ZNF277: variants seen among roughly 807,000 people sequenced by gnomAD.
ZNF277 encodes zinc finger protein 277.
In ZNF277, 55 loss-of-function variants were observed where a neutral mutation model predicts 60.7. That is an observed-to-expected ratio of 0.91 (90% CI 0.73 to 1.13). The LOEUF is 1.13. Among genes scored for constraint, ZNF277 ranks in the 50% most tolerant of loss-of-function variants. The pLI, the probability that ZNF277 is intolerant of heterozygous loss-of-function variation, is 0.00. For missense variants in ZNF277, 510 were observed against 523.0 expected, an observed-to-expected ratio of 0.98 and a Z score of 0.24; for synonymous variants, 178 against 179.3, an observed-to-expected ratio of 0.99 and a Z score of 0.06.
chr7:112,267,679 CT>C (rs559529650), intron 1 of ZNF277, among the ~76,000 whole-genome samples: 72 of 152,070 alleles, frequency 4.7e-4, no homozygotes, highest in African/African-American at 1.7e-3. Context: ...TTATCTATTC[CT>C]TTTTCACTGT....
At chr7:112,231,212 CAAAA>C (rs11340888) in intron 1 of ZNF277, among the ~76,000 whole-genome samples, 1 of 132,328 alleles carries the variant, frequency 7.6e-6, no homozygotes. Flanking sequence ...GACTCCGTCT[CAAAA>C]AAAAAAAAAA....
At chr7:112,285,223 G>A (rs557969525) in intron 1 of ZNF277, among the ~76,000 whole-genome samples, 7 of 151,560 alleles carry the variant, frequency 4.6e-5, no homozygotes, top group South Asian at 2.1e-4. Flanking sequence ...GTAGAGACAC[G>A]GTTTCACCAT....
chr7:112,293,036 C>T (rs930282282), intron 2 of ZNF277, among the ~76,000 whole-genome samples: 13 of 152,094 alleles, frequency 8.5e-5, no homozygotes, highest in Admixed American at 7.9e-4. Flanking sequence ...ATGCATTATT[C>T]TATTTAATTA....
intron 4 of ZNF277, among the ~76,000 whole-genome samples, chr7:112,297,148 C>T (rs79072770): frequency 6.6e-6 from 1 of 151,336 alleles, no homozygotes; most frequent in Non-Finnish European, 1.5e-5. Context: ...AGGATGGTCT[C>T]GATCTCCTGA....
intron 1 of ZNF277, among the ~76,000 whole-genome samples, chr7:112,263,368 C>A (rs981283761): frequency 7.2e-5 from 11 of 152,050 alleles, no homozygotes; most frequent in African/African-American, 2.7e-4. Context: ...TCTCACTGAC[C>A]CATTGGGATG....
chr7:112,208,674 A>ATTTTTTTTTTTT lies in ZNF277; in HGVS notation c.91+1880_91+1891dup, dbSNP rs869082099. On this transcript the variant is annotated intron_variant, in intron 1 of 11. Coordinates refer to ENST00000361822, the MANE Select transcript of ZNF277 (RefSeq NM_021994.3). Reference sequence around the variant, plus strand: ...ATATGACACACGTCTGTATGATTTGATTTTTTTTTTTTTTTTTTTTTTTTG... The same window carrying ATTTTTTTTTTTT: ...ATATGACACACGTCTGTATGATTTGATTTTTTTTTTTTTTTTTTTTTTTTTTTTTTTTTTTTG... 1.8e-3 allele frequency among the ~76,000 whole-genome samples: 134 copies of ATTTTTTTTTTTT among 72,810 alleles called. 18 individuals are homozygous for ATTTTTTTTTTTT. The highest frequency in any genetic ancestry group is 0.022 in the Middle Eastern group (1 of 46). The allele number at this position is 72,810 out of a possible 152,430, so 47.8% of individuals were successfully genotyped here.
chr7:112,265,572 G>T (rs185194702), intron 1 of ZNF277, among the ~76,000 whole-genome samples: 1 of 152,154 alleles, frequency 6.6e-6, no homozygotes, highest in Non-Finnish European at 1.5e-5. Flanking sequence ...AAGTGAGCAC[G>T]TGCTGTTGGG....
chr7:112,222,259 G>A (rs1019648524), intron 1 of ZNF277, among the ~76,000 whole-genome samples: 1 of 152,172 alleles, frequency 6.6e-6, no homozygotes, highest in African/African-American at 2.4e-5. Flanking sequence ...GAGAAGCATT[G>A]GTGTTAGTTC....
chr7:112,275,881 T>G (rs545978412), intron 1 of ZNF277, among the ~76,000 whole-genome samples: 31 of 152,310 alleles, frequency 2.0e-4, no homozygotes, highest in Non-Finnish European at 4.1e-4. Context: ...GAAAGGAAGT[T>G]TAACCACATT....
At position 112,340,903 on chromosome 7, in the gene ZNF277, C is replaced by A; in HGVS notation, c.1041C>A (p.Val347=). The change falls in exon 11 of 12, where the codon GTC becomes GTA. Residue 347 remains valine (V), a synonymous_variant. Coordinates refer to ENST00000361822, the MANE Select transcript of ZNF277 (RefSeq NM_021994.3). ...ATTTCTATCAGCAAGTGAAACTGGT[C>A]AATTTTATTCGGAGGCAAGTTCACC... is the stretch of plus-strand genomic sequence containing the variant. ...GLNFYQQVKL[V]NFIRRQVHQC... 6.2e-7 allele frequency: 1 copy of A among 1,610,216 alleles called. No individual in the cohort carries two copies. Among genetic ancestry groups the A allele is most frequent in the East Asian group, 2.2e-5 (1 of 44,748 alleles).
intron 1 of ZNF277, among the ~76,000 whole-genome samples, chr7:112,232,109 A>T (rs1822355485): frequency 6.8e-6 from 1 of 147,370 alleles, no homozygotes; most frequent in Non-Finnish European, 1.5e-5. Flanking sequence ...GTTATCTCAA[A>T]GCCCTTCTCT....
At chr7:112,252,395 G>A (rs994085022) in intron 1 of ZNF277, among the ~76,000 whole-genome samples, 1 of 152,144 alleles carries the variant, frequency 6.6e-6, no homozygotes, top group African/African-American at 2.4e-5. Context: ...GAATGGAGCA[G>A]GATAGCACAA....
intron 2 of ZNF277, chr7:112,288,191 T>TC (rs2117064008): frequency 6.6e-6 from 1 of 152,324 alleles, no homozygotes; most frequent in South Asian, 2.1e-4. Flanking sequence ...ATTCCTTTTT[T>TC]CCCAATTTAT....
At chr7:112,236,639 G>A (rs1420108916) in intron 1 of ZNF277, among the ~76,000 whole-genome samples, 1 of 152,030 alleles carries the variant, frequency 6.6e-6, no homozygotes, top group East Asian at 1.9e-4. Flanking sequence ...TGAGTGCTAT[G>A]GCAAATGGCT....
intron 1 of ZNF277, among the ~76,000 whole-genome samples, chr7:112,214,161 T>A (rs1489743347): frequency 6.6e-6 from 1 of 152,216 alleles, no homozygotes; most frequent in East Asian, 1.9e-4. Flanking sequence ...TGCTGCCCTT[T>A]ACAATACACA....
chr7:112,338,297 G>C (rs1031877957), intron 9 of ZNF277, among the ~76,000 whole-genome samples: 2 of 152,170 alleles, frequency 1.3e-5, no homozygotes, highest in Non-Finnish European at 2.9e-5. Flanking sequence ...TTCCTAGTGT[G>C]GGCTTTCCCT....
intron 1 of ZNF277, among the ~76,000 whole-genome samples, chr7:112,229,386 C>G (rs1482883650): frequency 6.6e-6 from 1 of 152,172 alleles, no homozygotes; most frequent in Non-Finnish European, 1.5e-5. Flanking sequence ...AAGGACATTT[C>G]AGAAACTCTT....
chr7:112,318,202 G>A lies in ZNF277; in HGVS notation c.486G>A (p.Gln162=), dbSNP rs542081382. The A allele has an allele frequency of 6.2e-7, 1 of 1,612,970 alleles. No homozygotes were observed. The highest frequency in any genetic ancestry group is 1.3e-5 in the African/African-American group (1 of 74,974). The change falls in exon 5 of 12, where the codon CAG becomes CAA. Residue 162 remains glutamine, a synonymous_variant. Coordinates refer to ENST00000361822, the MANE Select transcript of ZNF277 (RefSeq NM_021994.3). ...TCCAGAGAGAAATTCTGGAACAACA[G>A]CAGCAAGAACGAAATGATACCAATT... is the stretch of plus-strand genomic sequence containing the variant. The part of the protein sequence containing the change: ...KQRLREILEQ[Q]QQERNDTNFH...
At chr7:112,234,144 A>C (rs1822418040) in intron 1 of ZNF277, among the ~76,000 whole-genome samples, 1 of 152,102 alleles carries the variant, frequency 6.6e-6, no homozygotes. Flanking sequence ...CTTCCTTTTG[A>C]AGTTTGAAAA....
Sources: allele counts gnomAD v4.1 joint callset (sites outside exome capture counted in the v4.1 genomes callset), GRCh38; gene constraint gnomAD v4.1.1; transcripts MANE v1.5; gene names NCBI Gene and HGNC (gene_info 2026-07-23, HGNC 2026-07-21).